The following MGAT4B variants were observed in gnomAD, a reference collection of about 807,000 sequenced individuals.
The protein encoded by MGAT4B is N-acetylglucosaminyltransferase IVb.
In MGAT4B, 38 loss-of-function variants were observed where a neutral mutation model predicts 73.9. That is an observed-to-expected ratio of 0.51 (90% confidence interval 0.40 to 0.67). MGAT4B has a LOEUF of 0.67. MGAT4B is among the 30% of genes least tolerant of loss of function. The pLI is 0.00. For synonymous variants in MGAT4B, 373 were observed against 313.5 expected, an observed-to-expected ratio of 1.19 and a Z score of -2.01; for missense variants, 686 against 735.2, an observed-to-expected ratio of 0.93 and a Z score of 0.77.
Position 179,806,830 on chromosome 5 carries a change from A to G in MGAT4B, c.-247T>C, listed in dbSNP as rs1484416660. On this transcript the variant is annotated 5_prime_UTR_variant, in exon 1 of 15. Transcript: ENST00000292591. This position sits in a 1 kb window ranked among gnomAD's most constrained non-coding sequence, Gnocchi z 4.6. ...CAGGCTCAGAAGGGCAGAGGCAGGT[A>G]TCAGGCTCACTGCAGATATCAGGGG... 6.7e-6 allele frequency: 1 copy of G among 150,014 alleles called. No homozygotes were observed. The highest frequency in any genetic ancestry group is 1.5e-5 in the Non-Finnish European group (1 of 67,540). 9.3% of individuals were successfully genotyped at this position (150,014 alleles called of 1,614,324 possible). A position where few individuals can be genotyped will look rare whatever the true frequency, so the allele number is the denominator to read the frequency against.
At position 179,800,085 on chromosome 5, in the gene MGAT4B, G is replaced by A; in HGVS notation, c.796-17C>T. The A allele has an allele frequency of 1.2e-6, 2 of 1,612,884 alleles. No homozygotes were observed. Among genetic ancestry groups the A allele is most frequent in the South Asian group, 2.2e-5 (2 of 91,064 alleles). On this transcript the variant is annotated splice_polypyrimidine_tract_variant and intron_variant, in intron 7 of 14. Coordinates refer to ENST00000292591, the MANE Select transcript of MGAT4B (RefSeq NM_014275.5). ...ATCCTCCAGCTGCGAGGTGAGCAGA[G>A]AGGGGCTGGGGCTGAGGAAGGGCAC...
Position 179,798,518 on chromosome 5 carries a change from A to C in MGAT4B, c.1417T>G (p.Phe473Val), listed in dbSNP as rs1756757294. 6.2e-7 allele frequency: 1 copy of C among 1,613,416 alleles called. No individual in the cohort carries two copies. Among genetic ancestry groups the C allele is most frequent in the Non-Finnish European group, 8.5e-7 (1 of 1,180,026 alleles). ...LFNTSVEVLP[F>V]DNPQSDKEAL... ...ACCACACCCACCGAACTTACGTCGAAGGGCAGCACCTCCACAGACGTGTTG... is the reference window on the plus strand; with the variant it reads ...ACCACACCCACCGAACTTACGTCGACGGGCAGCACCTCCACAGACGTGTTG... The change falls in exon 12 of 15, where the codon TTC becomes GTC. Residue 473 changes from phenylalanine to valine, a missense_variant. Phe to Val is a conservative substitution (Grantham distance 50). Coordinates refer to ENST00000292591, the MANE Select transcript of MGAT4B (RefSeq NM_014275.5).
At chr5:179,803,280 C>T in intron 1 of MGAT4B, 1 of 985,362 alleles carries the variant, frequency 1.0e-6, no homozygotes, top group Non-Finnish European at 1.2e-6. Context: ...AGCGGAGCCT[C>T]TGGACAGCCC....
chr5:179,798,736 G>C, intron 11 of MGAT4B, 145 bp from the exon 12 acceptor site: 1 of 1,105,904 alleles, frequency 9.0e-7, no homozygotes, highest in Non-Finnish European at 1.3e-6. Context: ...CCTTCCTCTG[G>C]GAGGATGGTG....
chr5:179,803,156 G>A, intron 1 of MGAT4B: 1 of 985,624 alleles, frequency 1.0e-6, no homozygotes, highest in Non-Finnish European at 1.2e-6. Flanking sequence ...CTGGGCAGGA[G>A]GGAAAGGTTT....
Position 179,798,555 on chromosome 5 carries a change from C to G in MGAT4B, c.1380G>C (p.Glu460Asp). ...CCACAGACGTGTTGAAGAGCTTGTC[C>G]TCCGGGTGCTCGATGTTCCCACTGC... ...FFRSGNIEHP[E>D]DKLFNTSVEV... The change falls in exon 12 of 15, where the codon GAG becomes GAC. Residue 460 changes from glutamate to aspartate, a missense_variant. Physicochemically the swap from Glu to Asp is conservative, Grantham distance 45. Around this residue, in one of 2 missense-constraint regions of MGAT4B, gnomAD observed 449 missense variants for 536.8 expected, o/e 0.84. Coordinates refer to ENST00000292591, the MANE Select transcript of MGAT4B (RefSeq NM_014275.5). 1 of 1,613,550 alleles carries G rather than the reference C, an allele frequency of 6.2e-7. No individual in the cohort carries two copies. The highest frequency in any genetic ancestry group is 8.5e-7 in the Non-Finnish European group (1 of 1,180,026).
chr5:179,799,830 T>G (rs1756827845), intron 8 of MGAT4B, 124 bp downstream of exon 8: 1 of 1,225,370 alleles, frequency 8.2e-7, no homozygotes, highest in African/African-American at 1.5e-5. Context: ...GGTGGGGCTG[T>G]AGCACGCACA....
At chr5:179,800,705 C>T (rs774222739) in intron 5 of MGAT4B, 108 bp from the exon 6 acceptor site, 19 of 1,056,742 alleles carry the variant, frequency 1.8e-5, no homozygotes, top group Non-Finnish European at 2.5e-5. Flanking sequence ...CAGCCCCCCA[C>T]CACCCCCTAC....
rs1756920720 is a variant in MGAT4B at position 179,801,408 on chromosome 5, TGTCA to T, written c.480_483del (p.Asp161LeufsTer9). 6.2e-7 allele frequency: 1 copy of T among 1,611,822 alleles called. No homozygotes were observed. The highest frequency in any genetic ancestry group is 8.5e-7 in the Non-Finnish European group (1 of 1,179,334). ...AGCTCGGAGATGAGCGAGTGCAGAG[TGTCA>T]GTCAGGTACGAGTGCACCTCGCGCC... On this transcript the variant is annotated frameshift_variant, in exon 4 of 15. Coordinates refer to ENST00000292591, the MANE Select transcript of MGAT4B (RefSeq NM_014275.5). LOFTEE classifies it high-confidence loss of function. This position sits in a 1 kb window ranked among gnomAD's most constrained non-coding sequence, Gnocchi z 4.8.
In MGAT4B at chr5:179,799,027, AG is replaced by A; in HGVS notation, c.1243del (p.Leu415TrpfsTer30). 1 of 1,613,960 alleles carries A rather than the reference AG, an allele frequency of 6.2e-7. No homozygotes were observed. Among genetic ancestry groups the A allele is most frequent in the Non-Finnish European group, 8.5e-7 (1 of 1,180,024 alleles). On this transcript the variant is annotated frameshift_variant, in exon 11 of 15. Coordinates refer to ENST00000292591, the MANE Select transcript of MGAT4B (RefSeq NM_014275.5). LOFTEE classifies it high-confidence loss of function. ...TSLKTYQHFT[L>X]EKAYLREDFF... is the part of the protein sequence containing the mutation. ...GTCCTCGCGCAGGTAGGCTTTCTCC[AG>A]GGTGAAGTGCTGGTATGTCTTCAGG...
At chr5:179,798,115 G>C in intron 14 of MGAT4B, 47 bp from the exon 15 acceptor site, 1 of 1,599,982 alleles carries the variant, frequency 6.3e-7, no homozygotes, top group Non-Finnish European at 8.5e-7. Flanking sequence ...AGCTCCGCCA[G>C]GGTCTCCCTG....
rs1226919908 is a variant in MGAT4B at position 179,799,218 on chromosome 5, C to T, written c.1134G>A (p.Lys378=). Residue 378 remains lysine, a synonymous_variant, in exon 10 of 15, where the codon AAG becomes AAA. Coordinates refer to ENST00000292591, the MANE Select transcript of MGAT4B (RefSeq NM_014275.5). ...TGCAGCCCACCTTCAGTTTCTGGAT[C>T]TTGCCAGCCAGCGAGGAGTGAGTGC... ...HVGTHSSLAG[K]IQKLKDKDFG... is the part of the protein sequence containing the mutation. The T allele has an allele frequency of 6.2e-7, 1 of 1,613,996 alleles. No homozygotes were observed. The highest frequency in any genetic ancestry group is 1.1e-5 in the South Asian group (1 of 91,090).
intron 8 of MGAT4B, 63 bp from the exon 9 acceptor site, chr5:179,799,699 C>A (rs1756821876): frequency 6.2e-7 from 1 of 1,603,634 alleles, no homozygotes; most frequent in Non-Finnish European, 8.5e-7. Flanking sequence ...CCTGCAGCGG[C>A]CCCCGAGTCC....
chr5:179,804,926 AC>A (rs1355114439), intron 1 of MGAT4B: 1 of 151,914 alleles, frequency 6.6e-6, no homozygotes, highest in Non-Finnish European at 1.5e-5. Context: ...GGCCTATGTC[AC>A]CCCATACTCA....
rs1252251500 is a variant in MGAT4B, at chr5:179,798,039, C to G, written c.*6G>C. ...TGGCCACAGGGTACCCTCAGAAGCC[C>G]GCAGCTTAGTCGGCCTTTTTCAGGA... On this transcript the variant is annotated 3_prime_UTR_variant, in exon 15 of 15. Transcript: ENST00000292591. The G allele has an allele frequency of 5.0e-6, 8 of 1,607,414 alleles. No homozygotes were observed. The South Asian group carries it at 5.6e-5, about 11-fold the overall frequency.
chr5:179,801,895 G>A lies in MGAT4B; in HGVS notation c.172C>T (p.Leu58Phe), dbSNP rs772578279. ...DRLHAAEQES[L>F]KRSKELNLVL... Reference sequence around the variant, plus strand: ...AGGTTGAGCTCCTTGGAGCGCTTGAGGCTCTCCTGCTCAGCTGCGTGCAAC... The same window carrying A: ...AGGTTGAGCTCCTTGGAGCGCTTGAAGCTCTCCTGCTCAGCTGCGTGCAAC... The change falls in exon 2 of 15, where the codon CTC becomes TTC. Residue 58 changes from leucine to phenylalanine, a missense_variant. This residue lies in a region of MGAT4B where 237 missense variants were observed against 198.5 expected (regional missense o/e 1.19). Coordinates refer to ENST00000292591, the MANE Select transcript of MGAT4B (RefSeq NM_014275.5). This position sits in a 1 kb window ranked among gnomAD's most constrained non-coding sequence, Gnocchi z 4.8. 1.2e-6 allele frequency: 2 copies of A among 1,613,184 alleles called. No individual in the cohort carries two copies. Among genetic ancestry groups the A allele is most frequent in the African/African-American group, 1.3e-5 (1 of 75,066 alleles).
In MGAT4B at chr5:179,797,937, G is replaced by T; in HGVS notation, c.*108C>A. The stretch of plus-strand genomic sequence containing the variant: ...GCCGGCCCAAGCCCGACGCCAGGCA[G>T]AACCCTTTGGGCGGGGCCGTATCTG... On this transcript the variant is annotated 3_prime_UTR_variant, in exon 15 of 15. Transcript: ENST00000292591. 6.8e-7 allele frequency: 1 copy of T among 1,462,990 alleles called. No homozygotes were observed. The highest frequency in any genetic ancestry group is 9.3e-7 in the Non-Finnish European group (1 of 1,070,666). 90.6% of individuals were successfully genotyped at this position (1,462,990 alleles called of 1,614,324 possible).
At chr5:179,802,345 G>C in intron 1 of MGAT4B, 1 of 1,334,452 alleles carries the variant, frequency 7.5e-7, no homozygotes, top group Admixed American at 3.7e-5. Context: ...CTTGCTTTTT[G>C]CAGCACACGC....
In MGAT4B at chr5:179,797,891, C is replaced by A. The variant is rs116067782; in HGVS notation, c.*154G>T. Reference sequence around the variant, plus strand: ...GGGCAGCACCAGCTCCTAGGGCCTCCGGGCCAGCGGCGGACCCCAGGCCGG... The same window carrying A: ...GGGCAGCACCAGCTCCTAGGGCCTCAGGGCCAGCGGCGGACCCCAGGCCGG... On this transcript the variant is annotated 3_prime_UTR_variant, in exon 15 of 15. Transcript: ENST00000292591. The A allele has an allele frequency of 3.6e-6, 4 of 1,116,162 alleles. No individual in the cohort carries two copies. Among genetic ancestry groups the A allele is most frequent in the East Asian group, 5.3e-5 (2 of 37,606 alleles). The allele number at this position is 1,116,162 out of a possible 1,614,324, so 69.1% of individuals were successfully genotyped here.
Sources: gnomAD v4.1 joint callset for allele counts on GRCh38, gnomAD v4.1.1 for gene constraint, gnomAD v4.1.1 regional missense constraint, Gnocchi (gnomAD v3.1) non-coding constraint, MANE v1.5 for transcripts, NCBI Gene and HGNC (gene_info 2026-07-23, HGNC 2026-07-21) for gene names.